Variants in BCKDHA observed in about 807,000 individuals in gnomAD.
BCKDHA encodes branched chain keto acid dehydrogenase E1 subunit alpha.
In BCKDHA, 43 loss-of-function variants were observed where a neutral mutation model predicts 52.2. That is an observed-to-expected ratio of 0.82 (90% CI 0.64 to 1.06). BCKDHA has a LOEUF of 1.06. Among genes scored for constraint, BCKDHA ranks in the 50% least tolerant of loss-of-function variants. BCKDHA has a pLI of 0.00. For synonymous variants in BCKDHA, 234 were observed against 247.9 expected (o/e 0.94, Z 0.53); for missense variants, 527 against 621.3 (o/e 0.85, Z 1.61).
intron 1 of BCKDHA, among the ~76,000 whole-genome samples, chr19:41,404,652 G>A (rs982156288): frequency 6.6e-6 from 1 of 151,484 alleles, no homozygotes; most frequent in Admixed American, 6.6e-5. Context: ...GGAGTGCAGT[G>A]GTGCGATCTT....
Position 41,424,852 on chromosome 19 carries a change from C to T in BCKDHA, c.*244C>T, listed in dbSNP as rs749083860. 6.1e-4 allele frequency: 298 copies of T among 491,972 alleles called. No homozygotes were observed. Among genetic ancestry groups the T allele is most frequent in the Non-Finnish European group, 9.3e-4 (258 of 277,000 alleles). 30.5% of individuals were successfully genotyped at this position (491,972 alleles called of 1,614,324 possible). On this transcript the variant is annotated 3_prime_UTR_variant, in exon 9 of 9. Transcript: ENST00000269980. ...CCCCTCTTCACCTGTTGTTACAGTG[C>T]CTTCTCCCAGGGGCTGGGTGAGGGC...
intron 1 of BCKDHA, among the ~76,000 whole-genome samples, chr19:41,405,819 C>T (rs941259869): frequency 6.6e-6 from 1 of 152,308 alleles, no homozygotes; most frequent in African/African-American, 2.4e-5. Flanking sequence ...CCAGGGTCAC[C>T]CCAGTACTTC....
intron 5 of BCKDHA, among the ~76,000 whole-genome samples, chr19:41,419,567 G>T (rs981004392): frequency 6.6e-6 from 1 of 152,066 alleles, no homozygotes; most frequent in African/African-American, 2.4e-5. Flanking sequence ...TCAGCCTCCC[G>T]ATTAGCTGAG....
chr19:41,407,788 C>T (rs919531614), intron 1 of BCKDHA, among the ~76,000 whole-genome samples: 3 of 152,140 alleles, frequency 2.0e-5, no homozygotes, highest in African/African-American at 7.2e-5. Context: ...TCTTTAACAT[C>T]TGTGGGAAGT....
intron 4 of BCKDHA, among the ~76,000 whole-genome samples, chr19:41,415,068 T>G (rs1485666155): frequency 3.3e-5 from 5 of 152,130 alleles, no homozygotes; most frequent in Non-Finnish European, 5.9e-5. Context: ...GGACAGCCCT[T>G]CAGCAGGGCC....
chr19:41,403,606 CT>C (rs753669592), intron 1 of BCKDHA, among the ~76,000 whole-genome samples: 51 of 152,326 alleles, frequency 3.3e-4, no homozygotes, highest in Admixed American at 1.2e-3. Flanking sequence ...GACCCCTTGG[CT>C]GAACTCCCCC....
chr19:41,423,291 G>C, intron 8 of BCKDHA, 122 bp downstream of exon 8: 1 of 1,450,756 alleles, frequency 6.9e-7, no homozygotes, highest in Admixed American at 2.5e-5. Flanking sequence ...CTCAGATGTG[G>C]CCTGTGGAGC....
intron 5 of BCKDHA, 111 bp downstream of exon 5, chr19:41,419,407 A>G (rs2039341046): frequency 7.5e-7 from 1 of 1,327,022 alleles, no homozygotes; most frequent in East Asian, 2.5e-5. Flanking sequence ...TGGTGACACC[A>G]CTAGAGCCCT....
Position 41,422,714 on chromosome 19 carries a change from C to T in BCKDHA, c.939C>T (p.Ala313=), listed in dbSNP as rs2039381646. The T allele has an allele frequency of 1.2e-6, 2 of 1,614,126 alleles. No homozygotes were observed. The highest frequency in any genetic ancestry group is 3.3e-5 in the Admixed American group (2 of 60,026). Residue 313 remains alanine (A), a synonymous_variant, in exon 7 of 9, where the codon GCC becomes GCT. Coordinates refer to ENST00000269980, the MANE Select transcript of BCKDHA (RefSeq NM_000709.4). Reference sequence around the variant, plus strand: ...CCGTATACAACGCCACAAAGGAGGCCCGACGGCGGGCTGTGGCAGAGAACC... The same window carrying T: ...CCGTATACAACGCCACAAAGGAGGCTCGACGGCGGGCTGTGGCAGAGAACC... The part of the protein sequence containing the change: ...VFAVYNATKE[A]RRRAVAENQP...
At chr19:41,408,549 G>A (rs567802095) in intron 1 of BCKDHA, among the ~76,000 whole-genome samples, 5 of 151,990 alleles carry the variant, frequency 3.3e-5, no homozygotes, top group Admixed American at 6.6e-5. Flanking sequence ...GGTCTCCTGG[G>A]CTTTCTCAGC....
At position 41,424,508 on chromosome 19, in the gene BCKDHA, A is replaced by T; in HGVS notation, c.1238A>T (p.Tyr413Phe). ...CCCAACCTACTCTTCTCAGACGTGTATCAGGAGATGCCCGCCCAGCTCCGC... is the reference window on the plus strand; with the variant it reads ...CCCAACCTACTCTTCTCAGACGTGTTTCAGGAGATGCCCGCCCAGCTCCGC... ...PNPNLLFSDV[Y>F]QEMPAQLRKQ... The change falls in exon 9 of 9, where the codon TAT becomes TTT. Residue 413 changes from tyrosine to phenylalanine, a missense_variant. By Grantham distance (22) the Tyr-to-Phe change is conservative (BLOSUM62 3). Coordinates refer to ENST00000269980, the MANE Select transcript of BCKDHA (RefSeq NM_000709.4). 6.2e-7 allele frequency: 1 copy of T among 1,614,144 alleles called. No homozygotes were observed. The highest frequency in any genetic ancestry group is 2.2e-5 in the East Asian group (1 of 44,872).
rs66838098 is a variant in BCKDHA at position 41,418,091 on chromosome 19, CAAAAAAAAAAAAAA to C, written c.485-1032_485-1019del. 1.4e-4 allele frequency among the ~76,000 whole-genome samples: 10 copies of C among 72,014 alleles called. No homozygotes were observed. The Admixed American group carries it at 1.6e-3, about 11-fold the overall frequency. The allele number at this position is 72,014 out of a possible 152,430, so 47.2% of individuals were successfully genotyped here. On this transcript the variant is annotated intron_variant, in intron 4 of 8. Transcript: ENST00000269980. ...TGGGTGGCCAAGCCAGACTCTGTCT[CAAAAAAAAAAAAAA>C]AAAAAAAAAAAGGTAACTGCTGTGT...
intron 4 of BCKDHA, among the ~76,000 whole-genome samples, chr19:41,415,711 C>T (rs549259087): frequency 1.8e-4 from 27 of 151,526 alleles, no homozygotes; most frequent in African/African-American, 6.3e-4. Context: ...TGCAGTGGCG[C>T]GATCTCGGCT....
intron 7 of BCKDHA, 109 bp downstream of exon 7, chr19:41,422,879 A>G: frequency 6.3e-7 from 1 of 1,586,810 alleles, no homozygotes; most frequent in Non-Finnish European, 8.6e-7. Flanking sequence ...CTGATGTTGC[A>G]TCTCCCCCTT....
intron 5 of BCKDHA, among the ~76,000 whole-genome samples, chr19:41,420,413 A>G (rs562333896): frequency 4.6e-5 from 7 of 152,294 alleles, no homozygotes; most frequent in East Asian, 1.9e-4. Context: ...AGCCTGGCCA[A>G]CATGGCAAAG....
At chr19:41,411,057 C>T (rs767029689) in intron 3 of BCKDHA, 48 bp downstream of exon 3, 1 of 1,591,724 alleles carries the variant, frequency 6.3e-7, no homozygotes, top group East Asian at 2.2e-5. Flanking sequence ...TACCTGAGGT[C>T]CCCTACCTGT....
At chr19:41,412,148 A>G (rs2123256561) in intron 3 of BCKDHA, among the ~76,000 whole-genome samples, 1 of 152,118 alleles carries the variant, frequency 6.6e-6, no homozygotes, top group South Asian at 2.1e-4. Flanking sequence ...TGCTTGTCAG[A>G]GCCCTGCTTG....
In BCKDHA at chr19:41,412,431, A is replaced by C. The variant is rs563661401; in HGVS notation, c.375+1422A>C. ...AGATGGAGTTTTGCTCTTGTTGCCC[A>C]GGCTGGAGTGCAATGGCACGATCTT... On this transcript the variant is annotated intron_variant, in intron 3 of 8. Coordinates refer to ENST00000269980, the MANE Select transcript of BCKDHA (RefSeq NM_000709.4). Among the ~76,000 whole-genome samples, 6 of 113,576 alleles carry C rather than the reference A, an allele frequency of 5.3e-5. No individual in the cohort carries two copies. In the South Asian group the frequency reaches 1.7e-3, roughly 33 times the overall value. 74.5% of individuals were successfully genotyped at this position (113,576 alleles called of 152,430 possible).
At chr19:41,423,918 G>A (rs1367950777) in intron 8 of BCKDHA, among the ~76,000 whole-genome samples, 3 of 152,074 alleles carry the variant, frequency 2.0e-5, no homozygotes, top group South Asian at 2.1e-4. Context: ...GCTTGAACCC[G>A]GGAGGTGGAA....
Sources: gnomAD v4.1 joint callset for allele counts (sites outside exome capture counted in the v4.1 genomes callset) on GRCh38, gnomAD v4.1.1 for gene constraint, MANE v1.5 for transcripts, NCBI Gene and HGNC (gene_info 2026-07-23, HGNC 2026-07-21) for gene names.